Variants in XDH observed in about 807,000 individuals in gnomAD.
XDH encodes xanthine dehydrogenase/oxidase.
XDH carries 138 observed loss-of-function variants against 156.1 expected under a neutral mutation model. That is an observed-to-expected ratio of 0.88 (90% confidence interval 0.77 to 1.02). The LOEUF (loss-of-function observed/expected upper bound fraction) is 1.02, where lower values mean the gene tolerates loss of function less well. Among genes scored for constraint, XDH ranks in the 50% least tolerant of loss-of-function variants. The pLI is 0.00. For synonymous variants in XDH, 669 were observed against 625.7 expected (o/e 1.07, Z -1.03); for missense variants, 1,849 against 1,684.9 (o/e 1.10, Z -1.71).
intron 31 of XDH, among the ~76,000 whole-genome samples, chr2:31,344,280 G>C (rs1461714287): frequency 6.6e-6 from 1 of 152,144 alleles, no homozygotes; most frequent in Admixed American, 6.6e-5. Flanking sequence ...AGGATGCATA[G>C]CTAACAGCAA....
intron 12 of XDH, among the ~76,000 whole-genome samples, chr2:31,380,988 C>T (rs893423644): frequency 1.3e-5 from 2 of 152,060 alleles, no homozygotes; most frequent in Non-Finnish European, 2.9e-5. Flanking sequence ...TAATTTTATA[C>T]AATTTTATTT....
chr2:31,406,963 G>A (rs1687206399), intron 1 of XDH, among the ~76,000 whole-genome samples: 1 of 152,190 alleles, frequency 6.6e-6, no homozygotes, highest in African/African-American at 2.4e-5. Flanking sequence ...AAAGTGCGAT[G>A]TCAGTTCCCA....
rs1401658926 is a variant in XDH, at chr2:31,388,255, C to G, written c.536G>C (p.Cys179Ser). ...CCGGDGNNPN[C>S]CMNQKKDHSV... ...GTGGTCTTTCTTCTGGTTCATGCAGCAATTTGGATTATTCCCATCTCCTCC... is the reference window on the plus strand; with the variant it reads ...GTGGTCTTTCTTCTGGTTCATGCAGGAATTTGGATTATTCCCATCTCCTCC... Residue 179 changes from cysteine to serine, a missense_variant, in exon 7 of 36, where the codon TGC (cysteine) becomes TCC (serine). Cys to Ser is a moderately radical substitution (Grantham distance 112). Transcript: ENST00000379416. 1.7e-5 allele frequency: 28 copies of G among 1,614,054 alleles called. No homozygotes were observed. The highest frequency in any genetic ancestry group is 2.3e-5 in the Non-Finnish European group (27 of 1,180,026).
Position 31,398,570 on chromosome 2 carries a change from T to C in XDH, c.433+3A>G, listed in dbSNP as rs1363097367. 4 of 1,613,898 alleles carry C rather than the reference T, an allele frequency of 2.5e-6. No individual in the cohort carries two copies. Among genetic ancestry groups the C allele is most frequent in the East Asian group, 4.5e-5 (2 of 44,852 alleles). On this transcript the variant is annotated splice_donor_region_variant and intron_variant, in intron 5 of 35. Transcript: ENST00000379416. Reference sequence around the variant, plus strand: ...CTCCTAGGCTGTGCCTGAAGGCCCATACCTTGGAAGGCATTCTCAATCTCC... The same window carrying C: ...CTCCTAGGCTGTGCCTGAAGGCCCACACCTTGGAAGGCATTCTCAATCTCC...
At chr2:31,392,518 G>A (rs983750112) in intron 6 of XDH, among the ~76,000 whole-genome samples, 13 of 152,088 alleles carry the variant, frequency 8.5e-5, no homozygotes, top group African/African-American at 3.1e-4. Context: ...TCCACTTCCT[G>A]GGTTCAAGTG....
intron 12 of XDH, among the ~76,000 whole-genome samples, chr2:31,381,217 A>G (rs554721287): frequency 6.6e-6 from 1 of 152,214 alleles, no homozygotes; most frequent in African/African-American, 2.4e-5. Flanking sequence ...GCTGGTCTTG[A>G]ACTCCTGACC....
In XDH at chr2:31,375,370, C is replaced by T; in HGVS notation, c.1602+10G>A. 1.2e-6 allele frequency: 2 copies of T among 1,614,154 alleles called. No homozygotes were observed. The highest frequency in any genetic ancestry group is 2.2e-5 in the East Asian group (1 of 44,880). On this transcript the variant is annotated intron_variant, in intron 15 of 35. Coordinates refer to ENST00000379416, the MANE Select transcript of XDH (RefSeq NM_000379.4). ...TACAGAGAGCCTGTGCCTGGCCAGG[C>T]CCCACTCACGTCTTCCAGGTTCTCT...
In XDH at chr2:31,339,661, A is replaced by G. The variant is rs1685071999; in HGVS notation, c.3602T>C (p.Val1201Ala). 6.2e-7 allele frequency: 1 copy of G among 1,614,032 alleles called. No homozygotes were observed. The change falls in exon 34 of 36, where the codon GTC becomes GCC. Residue 1201 changes from valine to alanine, a missense_variant. Coordinates refer to ENST00000379416, the MANE Select transcript of XDH (RefSeq NM_000379.4). ...IDIGQVEGAF[V>A]QGLGLFTLEE... ...TAGGGTGAAGAGGCCAAGGCCCTGG[A>G]CAAATGCCCCTTCCACCTGCAGGAT... is the stretch of plus-strand genomic sequence containing the variant.
rs771186445 is a variant in XDH at position 31,375,485 on chromosome 2, A to G, written c.1497T>C (p.Asp499=). ...GGAAGTCCACCATGCCACCAGGGGCATCGGGAGGCAGATGCAGCTCCTCTG... is the reference window on the plus strand; with the variant it reads ...GGAAGTCCACCATGCCACCAGGGGCGTCGGGAGGCAGATGCAGCTCCTCTG... The part of the protein sequence containing the change: ...GLAEELHLPP[D]APGGMVDFRC... Residue 499 remains aspartate (D), a synonymous_variant, in exon 15 of 36, where the codon GAT becomes GAC. Coordinates refer to ENST00000379416, the MANE Select transcript of XDH (RefSeq NM_000379.4). 4 of 1,614,186 alleles carry G rather than the reference A, an allele frequency of 2.5e-6. No individual in the cohort carries two copies. In the East Asian group the frequency reaches 8.9e-5, roughly 36 times the overall value.
chr2:31,381,636 T>C lies in XDH; in HGVS notation c.1129A>G (p.Arg377Gly), dbSNP rs747716551. The change falls in exon 12 of 36, where the codon AGA (arginine) becomes GGA (glycine). Residue 377 changes from arginine to glycine, a missense_variant. By Grantham distance (125) the Arg-to-Gly change is moderately radical (BLOSUM62 -2). Transcript: ENST00000379416. ...ASGAKLTLVSRGTRRTVQMDH... is the reference protein window; with the variant it reads ...ASGAKLTLVSGGTRRTVQMDH... ...ACCTCTGCTTCAGGCAGCTCACCTC[T>C]GGACACAAGTGTCAGCTTGGCCCCA... 1.2e-6 allele frequency: 2 copies of C among 1,614,120 alleles called. No individual in the cohort carries two copies. Among genetic ancestry groups the C allele is most frequent in the Admixed American group, 3.3e-5 (2 of 60,018 alleles).
chr2:31,365,873 G>A, intron 22 of XDH, 103 bp downstream of exon 22: 2 of 1,570,048 alleles, frequency 1.3e-6, no homozygotes, highest in East Asian at 2.3e-5. Context: ...CAAAGCAGGG[G>A]GAAACTAATT....
intron 6 of XDH, 77 bp downstream of exon 6, chr2:31,397,591 G>T: frequency 6.4e-7 from 1 of 1,568,480 alleles, no homozygotes. Context: ...GAGGCCCTTG[G>T]TCTCCCTCCC....
chr2:31,349,319 C>G (rs7583694), intron 26 of XDH, among the ~76,000 whole-genome samples: 121,841 of 152,184 alleles, frequency 0.8, 48,857 homozygotes, highest in East Asian at 0.84. Flanking sequence ...CCACTTTTCA[C>G]ATGATGAAAC....
At chr2:31,363,766 G>A (rs1456024360) in intron 24 of XDH, among the ~76,000 whole-genome samples, 1 of 152,074 alleles carries the variant, frequency 6.6e-6, no homozygotes, top group African/African-American at 2.4e-5. Flanking sequence ...ACTGCTAACA[G>A]TTTGGTATAT....
chr2:31,342,427 G>C (rs1685150263), intron 31 of XDH, 130 bp from the exon 32 acceptor site: 5 of 795,128 alleles, frequency 6.3e-6, no homozygotes, highest in Non-Finnish European at 1.0e-5. Flanking sequence ...CTCCAAAAAA[G>C]TCCATGGTTT....
At chr2:31,362,055 AAT>A (rs71405564) in intron 24 of XDH, among the ~76,000 whole-genome samples, 108,459 of 150,588 alleles carry the variant, frequency 0.72, 39,039 homozygotes, top group East Asian at 0.82. Flanking sequence ...TCTCATTACA[AAT>A]ATATATATAT....
chr2:31,386,103 C>G (rs1224754283), intron 9 of XDH, among the ~76,000 whole-genome samples: 1 of 152,124 alleles, frequency 6.6e-6, no homozygotes, highest in African/African-American at 2.4e-5. Flanking sequence ...ATTTCACACC[C>G]AAAACAATCC....
chr2:31,407,702 AC>A (rs1687230548), intron 1 of XDH, among the ~76,000 whole-genome samples: 3 of 152,146 alleles, frequency 2.0e-5, no homozygotes. Context: ...TGCTATCCTC[AC>A]CCCGCCGTCC....
chr2:31,339,858 G>A (rs1046657007), intron 33 of XDH, among the ~76,000 whole-genome samples, 181 bp from the exon 34 acceptor site: 4 of 152,198 alleles, frequency 2.6e-5, no homozygotes, highest in African/African-American at 9.6e-5. Flanking sequence ...ACTTCTGCCA[G>A]GCTTTGGCTC....
Sources: gnomAD v4.1 joint callset for allele counts (sites outside exome capture counted in the v4.1 genomes callset) on GRCh38, gnomAD v4.1.1 for gene constraint, MANE v1.5 for transcripts, NCBI Gene and HGNC (gene_info 2026-07-23, HGNC 2026-07-21) for gene names.